Variants in TRAF2 observed in about 807,000 individuals in gnomAD.
TRAF2 encodes the protein TNF receptor-associated factor 2.
TRAF2 carries 6 observed loss-of-function variants against 55.6 expected under a neutral mutation model. The ratio of observed to expected loss-of-function variants is 0.11; its 90% CI spans 0.06 to 0.21. The LOEUF is 0.21. TRAF2 is among the 10% of genes least tolerant of loss of function. The pLI is 1.00. For synonymous variants in TRAF2, 329 were observed against 276.3 expected, an observed-to-expected ratio of 1.19 and a Z score of -1.89; for missense variants, 561 against 684.5, an observed-to-expected ratio of 0.82 and a Z score of 2.01.
chr9:136,920,961 G>A, intron 8 of TRAF2, 77 bp from the exon 9 acceptor site: 1 of 1,559,200 alleles, frequency 6.4e-7, no homozygotes, highest in Non-Finnish European at 8.7e-7. Flanking sequence ...TCCTGCTGGA[G>A]ATCGGTGGGT....
chr9:136,924,036 C>G (rs1163787197), intron 10 of TRAF2, 36 bp downstream of exon 10: 1 of 1,605,998 alleles, frequency 6.2e-7, no homozygotes, highest in Non-Finnish European at 8.5e-7. Flanking sequence ...TAGGGCCGCA[C>G]CTGGGAGTCC....
At chr9:136,904,095 A>G (rs1052660180) in intron 4 of TRAF2, among the ~76,000 whole-genome samples, 1 of 152,066 alleles carries the variant, frequency 6.6e-6, no homozygotes, top group Admixed American at 6.5e-5. Context: ...AGCACCTGCC[A>G]GCCTTCGCCA....
rs376712787 is a variant in TRAF2, at chr9:136,925,952, C to T, written c.*51C>T. On this transcript the variant is annotated 3_prime_UTR_variant, in exon 11 of 11. Coordinates refer to ENST00000247668, the MANE Select transcript of TRAF2 (RefSeq NM_021138.4). ...TGGGGGCAGCCAGGCACAGCCGGCT[C>T]ACGGAGGGGCCACCACGCTGGGCCA... The T allele has an allele frequency of 1.2e-6, 2 of 1,601,940 alleles. No individual in the cohort carries two copies. Among genetic ancestry groups the T allele is most frequent in the Non-Finnish European group, 1.7e-6 (2 of 1,171,360 alleles).
chr9:136,915,394 T>C (rs1850217104), intron 6 of TRAF2, among the ~76,000 whole-genome samples: 1 of 151,952 alleles, frequency 6.6e-6, no homozygotes, highest in Non-Finnish European at 1.5e-5. Flanking sequence ...GACGTGCCAC[T>C]GTGATGTGTG....
At position 136,919,674 on chromosome 9, in the gene TRAF2, C is replaced by T. The variant is rs59415089; in HGVS notation, c.679-560C>T. On this transcript the variant is annotated intron_variant, in intron 7 of 10. Coordinates refer to ENST00000247668, the MANE Select transcript of TRAF2 (RefSeq NM_021138.4). ...TCTGTCCCTCCCCCTCCTTCTTTCCCTCCCCTTCTTCCCTTCATCCCTTCA... is the reference window on the plus strand; with the variant it reads ...TCTGTCCCTCCCCCTCCTTCTTTCCTTCCCCTTCTTCCCTTCATCCCTTCA... 5.6e-5 allele frequency among the ~76,000 whole-genome samples: 7 copies of T among 124,334 alleles called. No homozygotes were observed. In the South Asian group the frequency reaches 1.5e-3, roughly 26 times the overall value. The allele number at this position is 124,334 out of a possible 152,430, so 81.6% of individuals were successfully genotyped here.
upstream of TRAF2, chr9:136,882,638 G>T: frequency 1.0e-6 from 1 of 985,682 alleles, no homozygotes; most frequent in Non-Finnish European, 1.2e-6. Flanking sequence ...GGAGGCCTGG[G>T]TGGCTGACTT....
At chr9:136,898,363 C>T (rs1849734436) in intron 1 of TRAF2, among the ~76,000 whole-genome samples, 1 of 152,234 alleles carries the variant, frequency 6.6e-6, no homozygotes, top group Non-Finnish European at 1.5e-5. Context: ...GAACCTCTGA[C>T]CATTAGTGTT....
In TRAF2 at chr9:136,926,298, G is replaced by T; in HGVS notation, c.*397G>T. 2.8e-6 allele frequency: 1 copy of T among 358,964 alleles called. No homozygotes were observed. Among genetic ancestry groups the T allele is most frequent in the Non-Finnish European group, 5.5e-6 (1 of 182,260 alleles). 22.2% of individuals were successfully genotyped at this position (358,964 alleles called of 1,614,324 possible). A position where few individuals can be genotyped will look rare whatever the true frequency, so the allele number is the denominator to read the frequency against. On this transcript the variant is annotated 3_prime_UTR_variant, in exon 11 of 11. Transcript: ENST00000247668. Reference sequence around the variant, plus strand: ...CAGTGGATGGCCTTGTGTCCCTCGGGCATGACAGGCAGAAACGAGGGCTGC... The same window carrying T: ...CAGTGGATGGCCTTGTGTCCCTCGGTCATGACAGGCAGAAACGAGGGCTGC...
At chr9:136,883,520 C>A (rs1300810005), upstream of TRAF2, among the ~76,000 whole-genome samples, 1 of 152,014 alleles carries the variant, frequency 6.6e-6, no homozygotes, top group Non-Finnish European at 1.5e-5. Context: ...CAGGTGAACC[C>A]CTTCTTTTTT....
chr9:136,901,496 C>T (rs550574879), intron 4 of TRAF2, among the ~76,000 whole-genome samples: 7 of 152,332 alleles, frequency 4.6e-5, no homozygotes, highest in South Asian at 2.1e-4. Flanking sequence ...TGCTGAGTGA[C>T]ATGAGCCAGT....
upstream of TRAF2, among the ~76,000 whole-genome samples, chr9:136,885,027 C>T (rs1315327918): frequency 6.6e-6 from 1 of 152,190 alleles, no homozygotes; most frequent in African/African-American, 2.4e-5. Context: ...TGGCTGCTTG[C>T]AGCAAACTCA....
At chr9:136,894,871 T>C (rs1245854788) in intron 1 of TRAF2, among the ~76,000 whole-genome samples, 2 of 152,160 alleles carry the variant, frequency 1.3e-5, no homozygotes, top group Non-Finnish European at 2.9e-5. Context: ...TCCCAGCCAC[T>C]GGAGAAACTG....
At chr9:136,913,295 ATTTTT>A (rs369765173) in intron 6 of TRAF2, among the ~76,000 whole-genome samples, 5 of 87,066 alleles carry the variant, frequency 5.7e-5, no homozygotes, top group Admixed American at 4.2e-4. Context: ...TTATAAAGGA[ATTTTT>A]TTTTTTTTTT....
chr9:136,906,042 T>C (rs762286972), intron 4 of TRAF2, among the ~76,000 whole-genome samples: 2 of 151,878 alleles, frequency 1.3e-5, no homozygotes, highest in Non-Finnish European at 2.9e-5. Flanking sequence ...GAGGTGGAGG[T>C]TGCTGGTTGC....
At chr9:136,896,649 CTTT>C (rs113432192) in intron 1 of TRAF2, among the ~76,000 whole-genome samples, 12 of 148,836 alleles carry the variant, frequency 8.1e-5, no homozygotes, top group African/African-American at 2.9e-4. Context: ...TCTCTCCCCG[CTTT>C]TTTTTTTGAG....
At chr9:136,902,741 G>A (rs568789698) in intron 4 of TRAF2, among the ~76,000 whole-genome samples, 2 of 152,158 alleles carry the variant, frequency 1.3e-5, no homozygotes, top group African/African-American at 2.4e-5. Flanking sequence ...AAATCAACCC[G>A]TCTATACAGT....
rs372984709 is a variant in TRAF2 at position 136,916,627 on chromosome 9, G to A, written c.678+12G>A. 1.9e-6 allele frequency: 3 copies of A among 1,613,222 alleles called. No homozygotes were observed. The highest frequency in any genetic ancestry group is 1.7e-6 in the Non-Finnish European group (2 of 1,179,834). On this transcript the variant is annotated intron_variant, in intron 7 of 10. Transcript: ENST00000247668. ...GCTGCCTCGAGACGGTGAGTCGGGG[G>A]GTCTGAGGTTGGGGGCCACCCCTCA... is the stretch of plus-strand genomic sequence containing the variant.
At chr9:136,888,132 A>G (rs1183817485) in intron 1 of TRAF2, among the ~76,000 whole-genome samples, 1 of 152,164 alleles carries the variant, frequency 6.6e-6, no homozygotes, top group Non-Finnish European at 1.5e-5. Flanking sequence ...CGGCCTCCCA[A>G]AGTGCTAGGA....
chr9:136,924,240 GATAAAT>G (rs1217367995), intron 10 of TRAF2, among the ~76,000 whole-genome samples: 1 of 152,174 alleles, frequency 6.6e-6, no homozygotes, highest in Non-Finnish European at 1.5e-5. Context: ...TGACCTGTCA[GATAAAT>G]ATAAATATGA....
Sources: allele counts gnomAD v4.1 joint callset (sites outside exome capture counted in the v4.1 genomes callset), GRCh38; gene constraint gnomAD v4.1.1; transcripts MANE v1.5; gene names NCBI Gene and HGNC (gene_info 2026-07-23, HGNC 2026-07-21).